IL15: variants seen among roughly 807,000 people sequenced by gnomAD.
IL15 encodes the protein interleukin-15.
A neutral mutation model predicts 19.6 loss-of-function variants in IL15; 11 were observed. The observed-to-expected ratio is 0.56, with a 90% CI of 0.35 to 0.93. IL15 has a LOEUF of 0.93. Ranked by LOEUF, IL15 falls within the 40% of genes least tolerant of loss-of-function variation. The probability of loss-of-function intolerance (pLI) is 0.01; values close to 1 mark genes in which losing one functional copy is unlikely to be tolerated. For missense variants in IL15, 197 were observed against 186.5 expected, an observed-to-expected ratio of 1.06 and a Z score of -0.33; for synonymous variants, 58 against 59.6, an observed-to-expected ratio of 0.97 and a Z score of 0.12.
intron 2 of IL15, among the ~76,000 whole-genome samples, chr4:141,698,718 C>T (rs1488553501): frequency 4.6e-5 from 7 of 151,930 alleles, no homozygotes; most frequent in East Asian, 3.9e-4. Context: ...TTAATTGAAT[C>T]GTCTCTCTTC....
At chr4:141,702,628 C>A (rs1484626669) in intron 2 of IL15, among the ~76,000 whole-genome samples, 1 of 152,220 alleles carries the variant, frequency 6.6e-6, no homozygotes, top group East Asian at 1.9e-4. Flanking sequence ...CAGCTGTTTT[C>A]TCCTTCCTGA....
At chr4:141,649,986 G>C (rs1190156873) in intron 1 of IL15, among the ~76,000 whole-genome samples, 1 of 152,144 alleles carries the variant, frequency 6.6e-6, no homozygotes, top group African/African-American at 2.4e-5. Flanking sequence ...GAGGATGCCA[G>C]TGTTGGCACA....
At chr4:141,670,899 A>T (rs1728150876) in intron 2 of IL15, among the ~76,000 whole-genome samples, 1 of 152,194 alleles carries the variant, frequency 6.6e-6, no homozygotes, top group Admixed American at 6.5e-5. Flanking sequence ...TCAAGTGAAA[A>T]ATAGCTAAAA....
intron 2 of IL15, among the ~76,000 whole-genome samples, chr4:141,673,608 C>T (rs1422959479): frequency 6.6e-6 from 1 of 152,272 alleles, no homozygotes; most frequent in African/African-American, 2.4e-5. Context: ...CTATCAGATA[C>T]AAGGTATTCG....
At chr4:141,678,585 G>A (rs1489951521) in intron 2 of IL15, among the ~76,000 whole-genome samples, 4 of 145,996 alleles carry the variant, frequency 2.7e-5, no homozygotes, top group African/African-American at 7.6e-5. Context: ...AAAAAAAAAA[G>A]CAAATGTGTG....
intron 5 of IL15, among the ~76,000 whole-genome samples, chr4:141,722,446 A>T (rs149378871): frequency 2.6e-5 from 4 of 152,202 alleles, no homozygotes; most frequent in Non-Finnish European, 4.4e-5. Context: ...GATGGCACCA[A>T]GCATACCAAA....
At chr4:141,690,184 A>G in intron 2 of IL15, among the ~76,000 whole-genome samples, 1 of 152,138 alleles carries the variant, frequency 6.6e-6, no homozygotes, top group East Asian at 1.9e-4. Flanking sequence ...GCCCACACGG[A>G]ACTCCAGCTG....
At chr4:141,669,023 T>C (rs1259429735) in intron 2 of IL15, among the ~76,000 whole-genome samples, 1 of 152,356 alleles carries the variant, frequency 6.6e-6, no homozygotes, top group African/African-American at 2.4e-5. Context: ...AATGGCAATC[T>C]GTTACAACAA....
At chr4:141,666,108 A>ATTTATTTATTTT (rs1386583970) in intron 2 of IL15, among the ~76,000 whole-genome samples, 2 of 149,056 alleles carry the variant, frequency 1.3e-5, no homozygotes, top group Non-Finnish European at 3.0e-5. Context: ...TTATTTATTT[A>ATTTATTTATTTT]TTTATTTTTT....
At chr4:141,719,530 T>C in intron 3 of IL15, 54 bp downstream of exon 3, 1 of 1,344,956 alleles carries the variant, frequency 7.4e-7, no homozygotes, top group Non-Finnish European at 1.0e-6. Context: ...AAAGGTCGTC[T>C]GAATCTCAGA....
At position 141,652,356 on chromosome 4, in the gene IL15, T is replaced by C. The variant is rs200608042; in HGVS notation, c.-221-3830T>C. Among the ~76,000 whole-genome samples the C allele has an allele frequency of 2.1e-4, 32 of 152,222 alleles. No individual in the cohort carries two copies. In the East Asian group the frequency reaches 6.2e-3, roughly 30 times the overall value. On this transcript the variant is annotated intron_variant, in intron 1 of 7. Coordinates refer to ENST00000320650, the MANE Select transcript of IL15 (RefSeq NM_000585.5). ...GTGCTATAAAAGATAAGTTCTGCTG[T>C]CCAATCTAGGGAGAAAAAAGCAACC...
chr4:141,643,751 A>C (rs1481784786), intron 1 of IL15, among the ~76,000 whole-genome samples: 2 of 151,818 alleles, frequency 1.3e-5, no homozygotes, highest in Non-Finnish European at 2.9e-5. Context: ...TGGTGATCTC[A>C]TCTAGTGTCA....
At chr4:141,705,513 T>G (rs1246660937) in intron 2 of IL15, among the ~76,000 whole-genome samples, 6 of 152,148 alleles carry the variant, frequency 3.9e-5, no homozygotes, top group African/African-American at 1.2e-4. Flanking sequence ...TGATCTATCC[T>G]AAAAAATGTT....
intron 2 of IL15, among the ~76,000 whole-genome samples, chr4:141,683,906 T>A (rs1362985678): frequency 6.6e-6 from 1 of 152,210 alleles, no homozygotes; most frequent in Non-Finnish European, 1.5e-5. Context: ...CCAAACATAT[T>A]GCGAATGGAT....
At chr4:141,708,702 A>G (rs1465577846) in intron 2 of IL15, among the ~76,000 whole-genome samples, 1 of 152,074 alleles carries the variant, frequency 6.6e-6, no homozygotes, top group Non-Finnish European at 1.5e-5. Flanking sequence ...CTATGGTGCT[A>G]TTCTCGCCTT....
intron 2 of IL15, among the ~76,000 whole-genome samples, chr4:141,683,397 C>A (rs1174612778): frequency 6.6e-6 from 1 of 151,812 alleles, no homozygotes; most frequent in East Asian, 1.9e-4. Flanking sequence ...ACGGTGAAAC[C>A]CTGTCTCTAC....
chr4:141,661,292 C>A (rs774547465), intron 2 of IL15, among the ~76,000 whole-genome samples: 2 of 152,098 alleles, frequency 1.3e-5, no homozygotes, highest in Admixed American at 6.6e-5. Flanking sequence ...AAGGAAAGAG[C>A]CCTGTTTTGA....
intron 2 of IL15, among the ~76,000 whole-genome samples, chr4:141,701,243 T>G (rs192338292): frequency 2.6e-4 from 39 of 152,200 alleles, no homozygotes; most frequent in Admixed American, 4.6e-4. Context: ...GGGTAGACTA[T>G]TTCTTTAAAT....
intron 2 of IL15, among the ~76,000 whole-genome samples, chr4:141,680,941 A>G (rs1023479857): frequency 6.6e-6 from 1 of 152,204 alleles, no homozygotes; most frequent in African/African-American, 2.4e-5. Flanking sequence ...TTGTATTGCA[A>G]TGAACATGCT....
Sources: gnomAD v4.1 joint callset for allele counts (sites outside exome capture counted in the v4.1 genomes callset) on GRCh38, gnomAD v4.1.1 for gene constraint, MANE v1.5 for transcripts, NCBI Gene and HGNC (gene_info 2026-07-23, HGNC 2026-07-21) for gene names.